PHF21B: variants seen among roughly 807,000 people sequenced by gnomAD.
PHF21B encodes the protein PHD finger protein 4.
Under a neutral mutation model 62.2 loss-of-function variants are expected in PHF21B, and 22 were observed. The ratio of observed to expected loss-of-function variants is 0.35; its 90% CI spans 0.25 to 0.51. PHF21B has a LOEUF of 0.51. Among genes scored for constraint, PHF21B ranks in the 20% least tolerant of loss-of-function variants. PHF21B has a pLI of 0.97. For missense variants in PHF21B, 701 were observed against 707.9 expected (o/e 0.99, Z 0.11); for synonymous variants, 341 against 314.7 (o/e 1.08, Z -0.88).
At position 45,009,522 on chromosome 22, in the gene PHF21B, G is replaced by T; in HGVS notation, c.28C>A (p.Leu10Ile). 1 of 1,568,936 alleles carries T rather than the reference G, an allele frequency of 6.4e-7. No individual in the cohort carries two copies. The highest frequency in any genetic ancestry group is 1.4e-5 in the African/African-American group (1 of 73,858). MELQSRPEA[L>I]AVELARHQNG... ...TGGTGGCGCGCGAGTTCCACGGCGA[G>T]CGCCTCGGGCCGGCTCTGCAGCTCC... is the stretch of plus-strand genomic sequence containing the variant. The change falls in exon 1 of 13, where the codon CTC becomes ATC. Residue 10 changes from leucine to isoleucine, a missense_variant. Coordinates refer to ENST00000313237, the MANE Select transcript of PHF21B (RefSeq NM_138415.5). The surrounding 1 kb of genome is among the most constrained non-coding windows in gnomAD (Gnocchi z 5.9).
chr22:44,986,482 C>G (rs1028449975), intron 2 of PHF21B, among the ~76,000 whole-genome samples: 1 of 148,628 alleles, frequency 6.7e-6, no homozygotes, highest in African/African-American at 2.5e-5. Flanking sequence ...AGGAGATGCT[C>G]CAGGCCTTGG....
chr22:44,916,184 G>A, intron 4 of PHF21B, 96 bp downstream of exon 4: 1 of 1,195,124 alleles, frequency 8.4e-7, no homozygotes, highest in South Asian at 1.4e-5. Context: ...CATTCATCCT[G>A]CCTGGGCTTG....
intron 2 of PHF21B, among the ~76,000 whole-genome samples, chr22:44,925,370 C>T (rs1039348674): frequency 6.6e-6 from 1 of 152,206 alleles, no homozygotes; most frequent in African/African-American, 2.4e-5. Flanking sequence ...GAATGAATAT[C>T]ATCCATCCTC....
chr22:44,929,993 GAA>G (rs1373608448), intron 2 of PHF21B, among the ~76,000 whole-genome samples: 1 of 152,248 alleles, frequency 6.6e-6, no homozygotes, highest in Non-Finnish European at 1.5e-5. Context: ...CACTAGGAGG[GAA>G]AAGAGGAACC....
chr22:44,926,686 T>C (rs1488023723), intron 2 of PHF21B, among the ~76,000 whole-genome samples: 1 of 152,178 alleles, frequency 6.6e-6, no homozygotes, highest in Non-Finnish European at 1.5e-5. Context: ...TGGGCTGGGA[T>C]GGCGATGTGT....
At chr22:44,933,918 T>C (rs959900839) in intron 2 of PHF21B, among the ~76,000 whole-genome samples, 11 of 152,226 alleles carry the variant, frequency 7.2e-5, no homozygotes, top group African/African-American at 2.7e-4. Flanking sequence ...AGACAGGCCA[T>C]GGACTCGTGA....
At chr22:44,899,953 T>C (rs1455350393) in intron 5 of PHF21B, among the ~76,000 whole-genome samples, 1 of 152,164 alleles carries the variant, frequency 6.6e-6, no homozygotes, top group Admixed American at 6.5e-5. Context: ...CTCAAATAGT[T>C]TACTCCTTTC....
At chr22:44,978,657 C>G (rs890223797) in intron 2 of PHF21B, among the ~76,000 whole-genome samples, 10 of 152,196 alleles carry the variant, frequency 6.6e-5, no homozygotes, top group Admixed American at 6.5e-4. Flanking sequence ...CCACGCCCAG[C>G]CTCCCTGTGG....
At position 45,009,132 on chromosome 22, in the gene PHF21B, G is replaced by C; in HGVS notation, c.54+364C>G. 1.4e-6 allele frequency: 1 copy of C among 690,220 alleles called. No homozygotes were observed. Among genetic ancestry groups the C allele is most frequent in the Non-Finnish European group, 2.0e-6 (1 of 510,954 alleles). 42.8% of individuals were successfully genotyped at this position (690,220 alleles called of 1,614,324 possible). On this transcript the variant is annotated intron_variant, in intron 1 of 12. Coordinates refer to ENST00000313237, the MANE Select transcript of PHF21B (RefSeq NM_138415.5). This position sits in a 1 kb window ranked among gnomAD's most constrained non-coding sequence, Gnocchi z 5.9. ...CACCGGGCAGGTTCGCCCGGGGCGC[G>C]GGGGCCCGAGGGGAGGCCGGAAGGG... is the stretch of plus-strand genomic sequence containing the variant.
intron 2 of PHF21B, among the ~76,000 whole-genome samples, chr22:44,946,748 T>C (rs1337041651): frequency 1.3e-5 from 2 of 151,872 alleles, no homozygotes; most frequent in Non-Finnish European, 2.9e-5. Flanking sequence ...GGGCTGAAAA[T>C]ATTCCAGGTT....
chr22:44,997,197 C>T (rs1212680845), intron 2 of PHF21B, among the ~76,000 whole-genome samples: 2 of 152,182 alleles, frequency 1.3e-5, no homozygotes, highest in African/African-American at 4.8e-5. Context: ...CCTCCAGTCC[C>T]TTACGCTGAA....
At chr22:44,916,663 G>A (rs374048127) in intron 3 of PHF21B, 33 bp from the exon 4 acceptor site, 30 of 1,588,296 alleles carry the variant, frequency 1.9e-5, no homozygotes, top group Middle Eastern at 3.3e-4. Flanking sequence ...TGGTCAGACA[G>A]GCAGACACAC....
chr22:44,980,828 C>A lies in PHF21B; in HGVS notation c.120+27717G>T, dbSNP rs75570215. Among the ~76,000 whole-genome samples the A allele has an allele frequency of 2.6e-5, 4 of 152,326 alleles. No homozygotes were observed. In the East Asian group the frequency reaches 5.8e-4, roughly 22 times the overall value. ...CTTCACAAGGGTAACATGCCCTCTC[C>A]GTCTAACCCGGGACCAGGAAGCAGC... On this transcript the variant is annotated intron_variant, in intron 2 of 12. Coordinates refer to ENST00000313237, the MANE Select transcript of PHF21B (RefSeq NM_138415.5).
chr22:45,009,107 C>A lies in PHF21B; in HGVS notation c.54+389G>T. The A allele has an allele frequency of 1.0e-6, 1 of 980,068 alleles. No individual in the cohort carries two copies. Among genetic ancestry groups the A allele is most frequent in the South Asian group, 4.4e-5 (1 of 22,720 alleles). 60.7% of individuals were successfully genotyped at this position (980,068 alleles called of 1,614,324 possible). ...AGCGATCGCCAAAACTACTTCTGCA[C>A]ACCGGGCAGGTTCGCCCGGGGCGCG... On this transcript the variant is annotated intron_variant, in intron 1 of 12. Transcript: ENST00000313237. The surrounding 1 kb of genome is among the most constrained non-coding windows in gnomAD (Gnocchi z 5.9).
intron 2 of PHF21B, among the ~76,000 whole-genome samples, chr22:44,925,957 C>T (rs1350079986): frequency 1.2e-5 from 1 of 80,892 alleles, no homozygotes; most frequent in African/African-American, 3.5e-5. Context: ...CAAGCAGGAG[C>T]AGCCATTTGA....
At chr22:44,949,436 T>C (rs1256771668) in intron 2 of PHF21B, among the ~76,000 whole-genome samples, 1 of 152,176 alleles carries the variant, frequency 6.6e-6, no homozygotes, top group Non-Finnish European at 1.5e-5. Flanking sequence ...AAAATCCCAG[T>C]GTTCCCTCGT....
chr22:44,965,622 C>T (rs1488376653), intron 2 of PHF21B, among the ~76,000 whole-genome samples: 3 of 152,202 alleles, frequency 2.0e-5, no homozygotes, highest in Non-Finnish European at 2.9e-5. Flanking sequence ...ACGATTCCCC[C>T]GGCCCCCCAG....
At chr22:44,913,342 C>A (rs570172038) in intron 5 of PHF21B, among the ~76,000 whole-genome samples, 1 of 152,192 alleles carries the variant, frequency 6.6e-6, no homozygotes, top group Non-Finnish European at 1.5e-5. Context: ...AGCCCCTTTC[C>A]CTCCTAGACT....
intron 2 of PHF21B, among the ~76,000 whole-genome samples, chr22:44,990,518 C>T (rs752171154): frequency 2.6e-5 from 4 of 152,254 alleles, no homozygotes; most frequent in Non-Finnish European, 5.9e-5. Context: ...CTACAACATG[C>T]GTGAATTACG....
Sources: allele counts gnomAD v4.1 joint callset (sites outside exome capture counted in the v4.1 genomes callset), GRCh38; gene constraint gnomAD v4.1.1; non-coding constraint Gnocchi (gnomAD v3.1); transcripts MANE v1.5; gene names NCBI Gene and HGNC (gene_info 2026-07-23, HGNC 2026-07-21).